The following PCDHGA2 variants were observed in gnomAD, a reference collection of about 807,000 sequenced individuals.
PCDHGA2 encodes protocadherin gamma subfamily A, 2.
A neutral mutation model predicts 59.2 loss-of-function variants in PCDHGA2; 40 were observed. The ratio of observed to expected loss-of-function variants is 0.68; its 90% CI spans 0.52 to 0.88. PCDHGA2 has a LOEUF of 0.88. Among genes scored for constraint, PCDHGA2 ranks in the 40% least tolerant of loss-of-function variants. PCDHGA2 has a pLI of 0.00. For synonymous variants in PCDHGA2, 560 were observed against 526.0 expected (o/e 1.06, Z -0.89); for missense variants, 1,226 against 1,204.0 (o/e 1.02, Z -0.27).
chr5:141,431,032 C>T lies in PCDHGA2; in HGVS notation c.2425-63775C>T. 1 of 1,614,008 alleles carries T rather than the reference C, an allele frequency of 6.2e-7. No individual in the cohort carries two copies. The highest frequency in any genetic ancestry group is 2.2e-5 in the East Asian group (1 of 44,848). On this transcript the variant is annotated intron_variant, in intron 1 of 3. Transcript: ENST00000394576. This position sits in a 1 kb window ranked among gnomAD's most constrained non-coding sequence, Gnocchi z 4.8. ...GCTTGGTCACGGCGGGCAGGATAGA[C>T]CGGGAGGAGCTCTGTATGGGGGCCA...
intron 1 of PCDHGA2, chr5:141,355,419 GCTTTT>G: frequency 6.2e-7 from 1 of 1,614,042 alleles, no homozygotes; most frequent in Non-Finnish European, 8.5e-7. Flanking sequence ...GTAGGACGCA[GCTTTT>G]CGCCCTGAAC....
Position 141,339,269 on chromosome 5 carries a change from G to C in PCDHGA2, c.298G>C (p.Ala100Pro), listed in dbSNP as rs373238461. The change falls in exon 1 of 4, where the codon GCA becomes CCA. Residue 100 changes from alanine to proline, a missense_variant. Coordinates refer to ENST00000394576, the MANE Select transcript of PCDHGA2 (RefSeq NM_018915.4). ...CCGGGAGGAGCTCTGCGCTCAGAGC[G>C]CACCCTGTCTGTTGAATTTTAACAT... ...IDREELCAQSAPCLLNFNILL... is the reference protein window; with the variant it reads ...IDREELCAQSPPCLLNFNILL... The C allele has an allele frequency of 6.2e-7, 1 of 1,614,172 alleles. No homozygotes were observed. Among genetic ancestry groups the C allele is most frequent in the Non-Finnish European group, 8.5e-7 (1 of 1,179,996 alleles).
At chr5:141,353,663 T>C (rs1218288204) in intron 1 of PCDHGA2, among the ~76,000 whole-genome samples, 1 of 152,266 alleles carries the variant, frequency 6.6e-6, no homozygotes, top group East Asian at 1.9e-4. Context: ...ACAAAGAATG[T>C]AATGAACATT....
chr5:141,344,603 G>A (rs1305367549), intron 1 of PCDHGA2: 1 of 1,613,990 alleles, frequency 6.2e-7, no homozygotes, highest in Non-Finnish European at 8.5e-7. Context: ...AGGGGGCCAA[G>A]TATCCAGAGC....
chr5:141,382,427 G>T (rs1422765851), intron 1 of PCDHGA2, among the ~76,000 whole-genome samples: 1 of 152,138 alleles, frequency 6.6e-6, no homozygotes, highest in African/African-American at 2.4e-5. Context: ...GTGCCCAAAA[G>T]AGTCACTTGA....
intron 1 of PCDHGA2, among the ~76,000 whole-genome samples, chr5:141,425,841 C>T (rs936781561): frequency 2.0e-5 from 3 of 152,190 alleles, no homozygotes; most frequent in African/African-American, 7.2e-5. Context: ...ATTCTCTTTG[C>T]TGGGTTAATG....
chr5:141,439,790 C>G (rs2098131627), intron 1 of PCDHGA2: 2 of 152,248 alleles, frequency 1.3e-5, no homozygotes, highest in Non-Finnish European at 2.9e-5. Flanking sequence ...TTCTATAATC[C>G]AAGAAGAGTT....
intron 1 of PCDHGA2, among the ~76,000 whole-genome samples, chr5:141,447,063 G>C (rs762309557): frequency 6.6e-6 from 1 of 152,028 alleles, no homozygotes; most frequent in South Asian, 2.1e-4. Context: ...AATGTGTCAG[G>C]CTGTTTTAAT....
At chr5:141,351,161 G>A (rs1758660586) in intron 1 of PCDHGA2, 6 of 1,614,026 alleles carry the variant, frequency 3.7e-6, no homozygotes, top group African/African-American at 1.3e-5. Context: ...CACAACCAAT[G>A]GCACATTGGA....
chr5:141,447,942 T>C (rs1476141059), intron 1 of PCDHGA2, among the ~76,000 whole-genome samples: 2 of 151,740 alleles, frequency 1.3e-5, no homozygotes, highest in African/African-American at 4.8e-5. Context: ...AAAAATTAGC[T>C]GGGCATGGTG....
At chr5:141,418,974 G>A in intron 1 of PCDHGA2, 2 of 1,613,936 alleles carry the variant, frequency 1.2e-6, no homozygotes, top group Non-Finnish European at 1.7e-6. Context: ...TTCAAAACAC[G>A]GGACCAAGAC....
chr5:141,375,403 A>G, intron 1 of PCDHGA2: 2 of 1,613,908 alleles, frequency 1.2e-6, no homozygotes, highest in Non-Finnish European at 1.7e-6. Flanking sequence ...TCATCTCTCT[A>G]AATGTGGCAG....
chr5:141,409,914 G>T lies in PCDHGA2; in HGVS notation c.2424+68519G>T, dbSNP rs772848211. 58 of 1,613,230 alleles carry T rather than the reference G, an allele frequency of 3.6e-5. No homozygotes were observed. In the East Asian group the frequency reaches 1.2e-3, roughly 35 times the overall value. On this transcript the variant is annotated intron_variant, in intron 1 of 3. Transcript: ENST00000394576. ...CTGTACCCAGCTCTGGGTCCTGACGGCTCCGCGTTCTTCGATATGGTACCT... is the reference window on the plus strand; with the variant it reads ...CTGTACCCAGCTCTGGGTCCTGACGTCTCCGCGTTCTTCGATATGGTACCT...
intron 1 of PCDHGA2, chr5:141,479,355 A>G (rs2099493778): frequency 6.6e-6 from 1 of 152,506 alleles, no homozygotes; most frequent in Non-Finnish European, 1.5e-5. Flanking sequence ...CTTGCTGCTC[A>G]GTGCCTGAGG....
intron 1 of PCDHGA2, among the ~76,000 whole-genome samples, chr5:141,492,226 C>T (rs1365682179): frequency 6.6e-6 from 1 of 152,178 alleles, no homozygotes; most frequent in Non-Finnish European, 1.5e-5. Flanking sequence ...CATGCGTGTC[C>T]TCCCTGCTGG....
At position 141,340,929 on chromosome 5, in the gene PCDHGA2, C is replaced by T. The variant is rs1298518888; in HGVS notation, c.1958C>T (p.Pro653Leu). Residue 653 changes from proline (P) to leucine (L), a missense_variant, in exon 1 of 4, where the codon CCT becomes CTT. Pro to Leu is a moderately conservative substitution (Grantham distance 98). Coordinates refer to ENST00000394576, the MANE Select transcript of PCDHGA2 (RefSeq NM_018915.4). ...GCCATCCAGGACCACGGCCAGCCCC[C>T]TCTCTCCGCCACTGTCACGCTCACC... ...VVAIQDHGQPPLSATVTLTVA... is the reference protein window; with the variant it reads ...VVAIQDHGQPLLSATVTLTVA... 3 of 1,613,748 alleles carry T rather than the reference C, an allele frequency of 1.9e-6. No individual in the cohort carries two copies.
At chr5:141,430,947 G>T (rs1169662602) in intron 1 of PCDHGA2, 1 of 1,610,002 alleles carries the variant, frequency 6.2e-7, no homozygotes, top group Non-Finnish European at 8.5e-7. Flanking sequence ...GCGGAGCGCG[G>T]AGTCCGCATC....
At chr5:141,367,154 T>A (rs1764978094) in intron 1 of PCDHGA2, 1 of 162,130 alleles carries the variant, frequency 6.2e-6, no homozygotes, top group African/African-American at 2.4e-5. Flanking sequence ...ATAGGACTGA[T>A]ATTTTAGTCT....
At chr5:141,482,544 A>AAAC (rs1041838777) in intron 1 of PCDHGA2, among the ~76,000 whole-genome samples, 4 of 151,844 alleles carry the variant, frequency 2.6e-5, no homozygotes, top group Non-Finnish European at 4.4e-5. Context: ...AAAAAAAAAA[A>AAAC]AAAAAGATAA....
Sources: allele counts gnomAD v4.1 joint callset (sites outside exome capture counted in the v4.1 genomes callset), GRCh38; gene constraint gnomAD v4.1.1; non-coding constraint Gnocchi (gnomAD v3.1); transcripts MANE v1.5; gene names NCBI Gene and HGNC (gene_info 2026-07-23, HGNC 2026-07-21).